The following BICD1 variants were observed in gnomAD, a reference collection of about 807,000 sequenced individuals.
BICD1 encodes the protein BICD cargo adaptor 1.
In BICD1, 35 loss-of-function variants were observed where a neutral mutation model predicts 92.5. The ratio of observed to expected loss-of-function variants is 0.38; its 90% CI spans 0.29 to 0.50. The LOEUF is 0.50. BICD1 is among the 20% of genes least tolerant of loss of function. The pLI is 0.93. For missense variants in BICD1, 950 were observed against 1,189.8 expected (o/e 0.80, Z 2.97); for synonymous variants, 429 against 465.1 (o/e 0.92, Z 1.00).
intron 1 of BICD1, among the ~76,000 whole-genome samples, chr12:32,158,519 A>G (rs1367476593): frequency 1.4e-4 from 22 of 152,252 alleles, no homozygotes; most frequent in Admixed American, 1.4e-3. Flanking sequence ...AATATGTGGA[A>G]AGAATACCTC....
intron 1 of BICD1, among the ~76,000 whole-genome samples, chr12:32,131,139 C>T (rs1222004855): frequency 1.3e-5 from 2 of 152,156 alleles, no homozygotes; most frequent in East Asian, 1.9e-4. Context: ...CAGGCTGCTC[C>T]GTGACATTTA....
chr12:32,173,532 T>A (rs1040018230), intron 1 of BICD1, among the ~76,000 whole-genome samples: 7 of 152,214 alleles, frequency 4.6e-5, no homozygotes, highest in Admixed American at 2.0e-4. Flanking sequence ...TACATTGTGA[T>A]CATTCTGGTA....
intron 3 of BICD1, among the ~76,000 whole-genome samples, chr12:32,296,797 C>T (rs987979205): frequency 6.6e-6 from 1 of 152,146 alleles, no homozygotes; most frequent in African/African-American, 2.4e-5. Flanking sequence ...ATTAGATATT[C>T]TTGAAAGACT....
At chr12:32,218,331 A>T (rs1329748676) in intron 2 of BICD1, among the ~76,000 whole-genome samples, 1 of 152,238 alleles carries the variant, frequency 6.6e-6, no homozygotes, top group Non-Finnish European at 1.5e-5. Flanking sequence ...TTGAAGGAGC[A>T]TCTGAATCAC....
chr12:32,278,010 A>G (rs1264749798), intron 2 of BICD1, among the ~76,000 whole-genome samples: 1 of 152,200 alleles, frequency 6.6e-6, no homozygotes, highest in Non-Finnish European at 1.5e-5. Context: ...ATTACTTATA[A>G]TCAATGGTTT....
intron 1 of BICD1, among the ~76,000 whole-genome samples, chr12:32,151,164 C>A (rs1353907601): frequency 6.6e-6 from 1 of 152,176 alleles, no homozygotes; most frequent in Non-Finnish European, 1.5e-5. Context: ...TTAGAAATTT[C>A]TATACAAAGC....
At chr12:32,176,522 A>G (rs1944093938) in intron 1 of BICD1, among the ~76,000 whole-genome samples, 1 of 152,202 alleles carries the variant, frequency 6.6e-6, no homozygotes, top group South Asian at 2.1e-4. Flanking sequence ...GTCAATCAAG[A>G]TACGAAACAT....
rs556344647 is a variant in BICD1, at chr12:32,229,567, T to C, written c.426+13108T>C. ...ACAAGACGAGGACATATATTGACCA[T>C]TGGGTTTACGAACAAGGGGTCATTG... On this transcript the variant is annotated intron_variant, in intron 2 of 9. Transcript: ENST00000652176. Among the ~76,000 whole-genome samples, 23 of 152,310 alleles carry C rather than the reference T, an allele frequency of 1.5e-4. No individual in the cohort carries two copies. The South Asian group carries it at 3.3e-3, about 22-fold the overall frequency.
At chr12:32,346,584 G>A (rs1423044728) in intron 8 of BICD1, among the ~76,000 whole-genome samples, 23 of 2,432 alleles carry the variant, frequency 9.5e-3, no homozygotes, top group Admixed American at 0.014. Context: ...ATATATATAC[G>A]TGTATATATA....
chr12:32,144,519 C>A (rs1943046925), intron 1 of BICD1, among the ~76,000 whole-genome samples: 1 of 152,190 alleles, frequency 6.6e-6, no homozygotes, highest in Non-Finnish European at 1.5e-5. Flanking sequence ...CAAAATATGT[C>A]TTCTTAGATA....
chr12:32,118,190 C>G (rs1942015761), intron 1 of BICD1, among the ~76,000 whole-genome samples: 1 of 151,872 alleles, frequency 6.6e-6, no homozygotes. Flanking sequence ...TCATGCCATT[C>G]TCCTGTCTCA....
intron 2 of BICD1, among the ~76,000 whole-genome samples, chr12:32,262,933 C>T (rs1191122509): frequency 6.6e-6 from 1 of 150,760 alleles, no homozygotes; most frequent in Non-Finnish European, 1.5e-5. Context: ...CGCTTGAGCT[C>T]AGGAGTTTGA....
intron 3 of BICD1, among the ~76,000 whole-genome samples, chr12:32,294,550 C>T (rs1239611): frequency 6.8e-6 from 1 of 146,998 alleles, no homozygotes; most frequent in East Asian, 2.0e-4. Context: ...GAACCCAAGA[C>T]GTCAAGGTAG....
At chr12:32,179,421 A>G (rs1451544995) in intron 1 of BICD1, among the ~76,000 whole-genome samples, 4 of 152,050 alleles carry the variant, frequency 2.6e-5, no homozygotes, top group Non-Finnish European at 4.4e-5. Flanking sequence ...ATCCATATTA[A>G]CTAAAGTTGA....
intron 2 of BICD1, among the ~76,000 whole-genome samples, chr12:32,245,402 G>A (rs1269044055): frequency 6.6e-6 from 1 of 152,152 alleles, no homozygotes; most frequent in Non-Finnish European, 1.5e-5. Flanking sequence ...TTGAGGCCTG[G>A]TCAGGATATC....
intron 2 of BICD1, among the ~76,000 whole-genome samples, chr12:32,292,811 G>A (rs559511748): frequency 4.6e-5 from 7 of 152,188 alleles, no homozygotes; most frequent in Admixed American, 4.6e-4. Context: ...TTAATTAAAA[G>A]AAAACTTTTA....
chr12:32,340,037 CT>C (rs1219119289), intron 8 of BICD1: 5 of 947,668 alleles, frequency 5.3e-6, no homozygotes, highest in South Asian at 4.9e-5. Flanking sequence ...ATCCTCATTT[CT>C]ATTCTCTCCT....
chr12:32,348,597 C>T (rs192079837), intron 8 of BICD1, among the ~76,000 whole-genome samples: 3 of 151,508 alleles, frequency 2.0e-5, no homozygotes, highest in East Asian at 1.9e-4. Context: ...TGGCTGTTTC[C>T]GGAGGAGTAA....
At chr12:32,376,492 C>T (rs1939969631) in intron 9 of BICD1, among the ~76,000 whole-genome samples, 1 of 152,136 alleles carries the variant, frequency 6.6e-6, no homozygotes, top group Non-Finnish European at 1.5e-5. Context: ...CATCCAGACC[C>T]TGATAGGCCT....
Sources: allele counts gnomAD v4.1 joint callset (sites outside exome capture counted in the v4.1 genomes callset), GRCh38; gene constraint gnomAD v4.1.1; transcripts MANE v1.5; gene names NCBI Gene and HGNC (gene_info 2026-07-23, HGNC 2026-07-21).